Variants in VAC14 observed in about 807,000 individuals in gnomAD.
VAC14 encodes the protein protein VAC14 homolog.
Under a neutral mutation model 85.3 loss-of-function variants are expected in VAC14, and 47 were observed. That is an observed-to-expected ratio of 0.55 (90% CI 0.44 to 0.70). VAC14 has a LOEUF of 0.70. Among genes scored for constraint, VAC14 ranks in the 30% least tolerant of loss-of-function variants. The pLI, the probability that VAC14 is intolerant of heterozygous loss-of-function variation, is 0.00. For missense variants in VAC14, 861 were observed against 1,004.3 expected, an observed-to-expected ratio of 0.86 and a Z score of 1.93; for synonymous variants, 447 against 430.5, an observed-to-expected ratio of 1.04 and a Z score of -0.47.
intron 9 of VAC14, among the ~76,000 whole-genome samples, chr16:70,774,988 G>C (rs2033448607): frequency 6.6e-6 from 1 of 151,958 alleles, no homozygotes; most frequent in Non-Finnish European, 1.5e-5. Flanking sequence ...CTGACCTCAA[G>C]TGATTGATCC....
At chr16:70,749,461 GCCACT>G (rs2031197838) in intron 12 of VAC14, among the ~76,000 whole-genome samples, 1 of 152,250 alleles carries the variant, frequency 6.6e-6, no homozygotes, top group Non-Finnish European at 1.5e-5. Context: ...AGTAATCCCA[GCCACT>G]CCTCTTGTGC....
chr16:70,690,505 T>G, intron 18 of VAC14: 1 of 985,628 alleles, frequency 1.0e-6, no homozygotes, highest in Non-Finnish European at 1.2e-6. Flanking sequence ...AGAGGTTCCC[T>G]CCTGCCTTAC....
At chr16:70,782,997 G>A (rs763471492) in intron 7 of VAC14, 36 bp downstream of exon 7, 7 of 1,586,032 alleles carry the variant, frequency 4.4e-6, no homozygotes, top group Non-Finnish European at 6.0e-6. Context: ...CAGCAGCAGT[G>A]GCAGCCGTGG....
At chr16:70,749,834 C>T (rs1359246693) in intron 12 of VAC14, among the ~76,000 whole-genome samples, 1 of 152,164 alleles carries the variant, frequency 6.6e-6, no homozygotes, top group Non-Finnish European at 1.5e-5. Flanking sequence ...CTCTGGAGCA[C>T]CAATCTCGAT....
intron 18 of VAC14, chr16:70,691,864 C>T: frequency 2.0e-6 from 2 of 985,426 alleles, no homozygotes; most frequent in Non-Finnish European, 2.4e-6. Context: ...AGGCCTGTCT[C>T]AAGGCTGCCT....
At chr16:70,748,384 G>A (rs1360297113) in intron 12 of VAC14, among the ~76,000 whole-genome samples, 1 of 152,204 alleles carries the variant, frequency 6.6e-6, no homozygotes, top group Non-Finnish European at 1.5e-5. Context: ...AATACAGGGC[G>A]GGTGCCAGGG....
intron 12 of VAC14, among the ~76,000 whole-genome samples, chr16:70,748,131 C>T (rs766961550): frequency 7.5e-6 from 1 of 132,504 alleles, no homozygotes; most frequent in South Asian, 2.1e-4. Flanking sequence ...AGCTCTGGTC[C>T]CCAAACCTGA....
intron 12 of VAC14, among the ~76,000 whole-genome samples, chr16:70,749,023 T>C (rs2031158047): frequency 6.6e-6 from 1 of 152,226 alleles, no homozygotes; most frequent in Admixed American, 6.5e-5. Context: ...TTGCAGAGGA[T>C]GGGAGCCTCA....
intron 14 of VAC14, among the ~76,000 whole-genome samples, chr16:70,723,456 C>A (rs1030270445): frequency 2.6e-5 from 4 of 152,036 alleles, no homozygotes; most frequent in Non-Finnish European, 5.9e-5. Context: ...CTGAGTGAGA[C>A]CCTGTCTCAA....
intron 13 of VAC14, among the ~76,000 whole-genome samples, chr16:70,739,254 CCAG>C (rs2030017451): frequency 6.6e-6 from 1 of 152,194 alleles, no homozygotes; most frequent in Non-Finnish European, 1.5e-5. Context: ...CCCTCTGACC[CCAG>C]TGCTCGTGAT....
intron 12 of VAC14, among the ~76,000 whole-genome samples, chr16:70,756,484 G>C (rs1251383863): frequency 6.6e-6 from 1 of 152,172 alleles, no homozygotes; most frequent in Admixed American, 6.5e-5. Context: ...TTAAAATACA[G>C]TCTAGGGCAT....
intron 14 of VAC14, among the ~76,000 whole-genome samples, chr16:70,706,957 G>A (rs1315691730): frequency 6.6e-6 from 1 of 152,104 alleles, no homozygotes; most frequent in Non-Finnish European, 1.5e-5. Flanking sequence ...TACAGAGAAG[G>A]CCTGGACCGC....
chr16:70,731,593 G>T lies in VAC14; in HGVS notation c.1563C>A (p.Pro521=). 1 of 1,614,084 alleles carries T rather than the reference G, an allele frequency of 6.2e-7. No homozygotes were observed. Among genetic ancestry groups the T allele is most frequent in the Non-Finnish European group, 8.5e-7 (1 of 1,180,010 alleles). The part of the protein sequence containing the change: ...TKGLECSPST[P]TMNSYFYKFM... Reference sequence around the variant, plus strand: ...ACTTATAAAAGTAAGAATTCATGGTGGGAGTTGAAGGAGAACATTCTAAGC... The same window carrying T: ...ACTTATAAAAGTAAGAATTCATGGTTGGAGTTGAAGGAGAACATTCTAAGC... The change falls in exon 14 of 19, where the codon CCC becomes CCA. Residue 521 remains proline, a synonymous_variant. Coordinates refer to ENST00000261776, the MANE Select transcript of VAC14 (RefSeq NM_018052.5).
intron 12 of VAC14, among the ~76,000 whole-genome samples, chr16:70,751,104 G>A (rs1410917971): frequency 1.3e-5 from 2 of 152,180 alleles, no homozygotes; most frequent in African/African-American, 2.4e-5. Flanking sequence ...CGGAGAGGCC[G>A]CCCACTTCAC....
intron 12 of VAC14, chr16:70,747,204 C>T (rs8058438): frequency 6.6e-6 from 1 of 151,890 alleles, no homozygotes; most frequent in African/African-American, 2.4e-5. Flanking sequence ...AAACACCTGC[C>T]GAGAAGCCAG....
chr16:70,739,765 G>A (rs539289113), intron 13 of VAC14, among the ~76,000 whole-genome samples: 13 of 152,304 alleles, frequency 8.5e-5, no homozygotes, highest in Middle Eastern at 3.4e-3. Context: ...GGGGAAAATG[G>A]CTTTCTGGCT....
At chr16:70,710,380 T>G (rs1480990811) in intron 14 of VAC14, among the ~76,000 whole-genome samples, 1 of 152,200 alleles carries the variant, frequency 6.6e-6, no homozygotes, top group Non-Finnish European at 1.5e-5. Context: ...TGAGTCTGTC[T>G]TGGGACGGGT....
chr16:70,692,920 G>C lies in VAC14; in HGVS notation c.2087C>G (p.Ala696Gly), dbSNP rs2053627295. The C allele has an allele frequency of 6.2e-7, 1 of 1,610,922 alleles. No homozygotes were observed. Among genetic ancestry groups the C allele is most frequent in the Non-Finnish European group, 8.5e-7 (1 of 1,179,318 alleles). ...CAGGAGCATGAGCAGGCCGTAGAGG[G>C]CCTTGATCAGGTAGGGGTTGTTCTT... ...DVKNNPYLIK[A>G]LYGLLMLLPQ... The change falls in exon 18 of 19, where the codon GCC becomes GGC. Residue 696 changes from alanine to glycine, a missense_variant. Ala to Gly is a moderately conservative substitution (Grantham distance 60). This residue lies in a region of VAC14 where 163 missense variants were observed against 162.2 expected (regional missense o/e 1.00). Coordinates refer to ENST00000261776, the MANE Select transcript of VAC14 (RefSeq NM_018052.5).
chr16:70,800,618 C>A (rs1346893280), intron 1 of VAC14, among the ~76,000 whole-genome samples, 179 bp downstream of exon 1: 1 of 152,242 alleles, frequency 6.6e-6, no homozygotes, highest in African/African-American at 2.4e-5. Context: ...ATCACACAGC[C>A]AGTCAGGAGT....
Sources: gnomAD v4.1 joint callset for allele counts (sites outside exome capture counted in the v4.1 genomes callset) on GRCh38, gnomAD v4.1.1 for gene constraint, gnomAD v4.1.1 regional missense constraint, MANE v1.5 for transcripts, NCBI Gene and HGNC (gene_info 2026-07-23, HGNC 2026-07-21) for gene names.